The following MEOX2 variants were observed in gnomAD, a reference collection of about 807,000 sequenced individuals.
MEOX2 encodes the protein homeobox protein MOX-2.
A neutral mutation model predicts 27.0 loss-of-function variants in MEOX2; 11 were observed. That is an observed-to-expected ratio of 0.41 (90% CI 0.26 to 0.68). The LOEUF is 0.68. Ranked by LOEUF, MEOX2 falls within the 30% of genes least tolerant of loss-of-function variation. The probability of loss-of-function intolerance (pLI) is 0.33; values close to 1 mark genes in which losing one functional copy is unlikely to be tolerated. For synonymous variants in MEOX2, 189 were observed against 155.4 expected, an observed-to-expected ratio of 1.22 and a Z score of -1.61; for missense variants, 436 against 385.4, an observed-to-expected ratio of 1.13 and a Z score of -1.10.
chr7:15,641,737 G>T (rs1781564081), intron 1 of MEOX2, among the ~76,000 whole-genome samples: 1 of 151,900 alleles, frequency 6.6e-6, no homozygotes, highest in South Asian at 2.1e-4. Flanking sequence ...ATTTGCTTTT[G>T]TCCTAGTAAG....
intron 1 of MEOX2, among the ~76,000 whole-genome samples, chr7:15,643,545 G>T (rs1781595870): frequency 1.3e-5 from 2 of 152,116 alleles, no homozygotes; most frequent in African/African-American, 4.8e-5. Context: ...GTCATGCCCA[G>T]GGGAGTCTTC....
intron 1 of MEOX2, among the ~76,000 whole-genome samples, chr7:15,684,696 A>C (rs780576328): frequency 3.3e-5 from 5 of 152,244 alleles, no homozygotes; most frequent in Non-Finnish European, 5.9e-5. Context: ...ATATGGGATT[A>C]CCTTCTAGGA....
chr7:15,680,281 T>C (rs1045739263), intron 1 of MEOX2: 11 of 151,950 alleles, frequency 7.2e-5, no homozygotes, highest in Non-Finnish European at 1.0e-4. Context: ...TTATTGATTA[T>C]TTTGTATCAT....
At chr7:15,627,424 C>CT (rs995258997) in intron 1 of MEOX2, among the ~76,000 whole-genome samples, 20 of 152,054 alleles carry the variant, frequency 1.3e-4, no homozygotes, top group African/African-American at 4.6e-4. Context: ...TACTTATTGG[C>CT]TTTTTTATCT....
intron 1 of MEOX2, among the ~76,000 whole-genome samples, chr7:15,633,309 T>C (rs966355998): frequency 6.6e-6 from 1 of 151,940 alleles, no homozygotes; most frequent in East Asian, 1.9e-4. Flanking sequence ...TCAGCTCTTA[T>C]GTCAGCAAAT....
intron 1 of MEOX2, among the ~76,000 whole-genome samples, chr7:15,666,779 A>AT (rs58489396): frequency 9.0e-5 from 3 of 33,314 alleles, no homozygotes; most frequent in Admixed American, 5.6e-4. Flanking sequence ...AAAAAAAAAA[A>AT]ATATATATAT....
chr7:15,614,385 G>T (rs1427897504), intron 2 of MEOX2, among the ~76,000 whole-genome samples: 1 of 151,178 alleles, frequency 6.6e-6, no homozygotes, highest in Admixed American at 6.6e-5. Flanking sequence ...CTGCACTCCA[G>T]CCTGGGCAAC....
intron 1 of MEOX2, among the ~76,000 whole-genome samples, chr7:15,643,651 C>A (rs1411158088): frequency 6.6e-6 from 1 of 152,184 alleles, no homozygotes; most frequent in Non-Finnish European, 1.5e-5. Context: ...GTGGGACTCC[C>A]AGAGGGAAAA....
Position 15,686,497 on chromosome 7 carries a change from T to TTA in MEOX2, c.-96_-95insTA. ...TTTTCACTGGAAACCGTGTGATTTT[T>TTA]TTTTTAACCTCCCAAAGCAATAGCG... On this transcript the variant is annotated 5_prime_UTR_variant, in exon 1 of 3. Coordinates refer to ENST00000262041, the MANE Select transcript of MEOX2 (RefSeq NM_005924.5). 1 of 1,172,862 alleles carries TTA rather than the reference T, an allele frequency of 8.5e-7. No homozygotes were observed. Among genetic ancestry groups the TTA allele is most frequent in the Non-Finnish European group, 1.2e-6 (1 of 843,722 alleles). The allele number at this position is 1,172,862 out of a possible 1,614,324, so 72.7% of individuals were successfully genotyped here.
intron 1 of MEOX2, among the ~76,000 whole-genome samples, chr7:15,665,800 AGCGC>A (rs900052499): frequency 2.6e-5 from 4 of 152,218 alleles, no homozygotes; most frequent in Non-Finnish European, 5.9e-5. Context: ...TATTGCTGAA[AGCGC>A]GCAGCTGAAT....
chr7:15,685,002 C>T, intron 1 of MEOX2, among the ~76,000 whole-genome samples: 1 of 152,258 alleles, frequency 6.6e-6, no homozygotes, highest in East Asian at 1.9e-4. Flanking sequence ...CTCAAATTAT[C>T]CCCACTGAAA....
At chr7:15,659,635 C>A (rs865974320) in intron 1 of MEOX2, among the ~76,000 whole-genome samples, 30 of 151,888 alleles carry the variant, frequency 2.0e-4, no homozygotes, top group Middle Eastern at 3.4e-3. Flanking sequence ...TGGCGGACAC[C>A]TGTAGTCCCA....
chr7:15,642,937 G>A (rs1781585096), intron 1 of MEOX2, among the ~76,000 whole-genome samples: 1 of 152,182 alleles, frequency 6.6e-6, no homozygotes. Context: ...GTACGTTGTA[G>A]TAGTGATGTG....
Position 15,686,522 on chromosome 7 carries a change from G to A in MEOX2, c.-120C>T. 1 of 885,912 alleles carries A rather than the reference G, an allele frequency of 1.1e-6. No individual in the cohort carries two copies. Among genetic ancestry groups the A allele is most frequent in the Non-Finnish European group, 1.7e-6 (1 of 587,022 alleles). The allele number at this position is 885,912 out of a possible 1,614,324, so 54.9% of individuals were successfully genotyped here. ...TTTTTTAACCTCCCAAAGCAATAGC[G>A]GTGCACTTCTGCAGAGCTCGGATAA... On this transcript the variant is annotated 5_prime_UTR_variant, in exon 1 of 3. Coordinates refer to ENST00000262041, the MANE Select transcript of MEOX2 (RefSeq NM_005924.5).
intron 1 of MEOX2, among the ~76,000 whole-genome samples, chr7:15,660,244 TG>T (rs1365139534): frequency 6.6e-6 from 1 of 152,198 alleles, no homozygotes; most frequent in Non-Finnish European, 1.5e-5. Context: ...CATACTCTTC[TG>T]GGACTAAAAC....
intron 1 of MEOX2, among the ~76,000 whole-genome samples, chr7:15,655,065 T>C (rs949460176): frequency 1.3e-5 from 2 of 151,692 alleles, no homozygotes; most frequent in Non-Finnish European, 3.0e-5. Flanking sequence ...CTAAATAAAT[T>C]TAGAACTATT....
intron 2 of MEOX2, among the ~76,000 whole-genome samples, chr7:15,625,278 T>C (rs1781285100): frequency 6.6e-6 from 1 of 152,184 alleles, no homozygotes; most frequent in African/African-American, 2.4e-5. Flanking sequence ...AGAGGTCTGA[T>C]GATGTAGACT....
intron 2 of MEOX2, among the ~76,000 whole-genome samples, chr7:15,618,280 G>C (rs2115354619): frequency 6.6e-6 from 1 of 151,974 alleles, no homozygotes; most frequent in African/African-American, 2.4e-5. Context: ...GTAAAATATT[G>C]TTTACTCAAG....
chr7:15,617,952 A>T (rs1177892821), intron 2 of MEOX2, among the ~76,000 whole-genome samples: 1 of 152,142 alleles, frequency 6.6e-6, no homozygotes, highest in Admixed American at 6.5e-5. Context: ...CATATTGAAC[A>T]AGGATTAACC....
Sources: allele counts gnomAD v4.1 joint callset (sites outside exome capture counted in the v4.1 genomes callset), GRCh38; gene constraint gnomAD v4.1.1; transcripts MANE v1.5; gene names NCBI Gene and HGNC (gene_info 2026-07-23, HGNC 2026-07-21).